TSPAN1: variants seen among roughly 807,000 people sequenced by gnomAD.
The protein encoded by TSPAN1 is tetraspanin-1.
TSPAN1 carries 23 observed loss-of-function variants against 26.9 expected under a neutral mutation model. The ratio of observed to expected loss-of-function variants is 0.85; its 90% CI spans 0.62 to 1.21. The LOEUF (loss-of-function observed/expected upper bound fraction) is 1.21. TSPAN1 is among the 50% of genes most tolerant of loss of function. The pLI is 0.00. For missense variants in TSPAN1, 283 were observed against 298.4 expected (o/e 0.95, Z 0.38); for synonymous variants, 115 against 114.8 (o/e 1.00, Z -0.01).
intron 1 of TSPAN1, among the ~76,000 whole-genome samples, chr1:46,179,085 G>A (rs1408135289): frequency 6.6e-6 from 1 of 151,918 alleles, no homozygotes; most frequent in African/African-American, 2.4e-5. Context: ...CCATCACTTT[G>A]GGAGGCTGAG....
At chr1:46,182,715 G>C (rs1432373384) in intron 3 of TSPAN1, among the ~76,000 whole-genome samples, 1 of 152,142 alleles carries the variant, frequency 6.6e-6, no homozygotes, top group African/African-American at 2.4e-5. Flanking sequence ...GTATTGATTA[G>C]TTTAGAAGCG....
At chr1:46,192,755 AG>A in the TSPAN1 span, 1 of 1,581,004 alleles carries the variant, frequency 6.3e-7, no homozygotes, top group South Asian at 1.1e-5. Context: ...CTTCAACAGC[AG>A]CCCCAACACC....
chr1:46,192,811 A>T, the TSPAN1 span: 1 of 1,596,008 alleles, frequency 6.3e-7, no homozygotes, highest in Non-Finnish European at 8.6e-7. Flanking sequence ...TTGTGAGCTC[A>T]TGTCCTCCAG....
At chr1:46,184,167 C>T (rs893903657) in intron 3 of TSPAN1, 24 bp from the exon 4 acceptor site, 18 of 1,613,460 alleles carry the variant, frequency 1.1e-5, no homozygotes, top group Middle Eastern at 1.7e-4. Context: ...CTGTTTAAGG[C>T]CTGCCTGACC....
chr1:46,181,093 C>T lies in TSPAN1; in HGVS notation c.-8-7C>T, dbSNP rs1405031181. The T allele has an allele frequency of 1.2e-6, 2 of 1,613,658 alleles. No individual in the cohort carries two copies. Among genetic ancestry groups the T allele is most frequent in the South Asian group, 1.1e-5 (1 of 91,008 alleles). On this transcript the variant is annotated splice_polypyrimidine_tract_variant and splice_region_variant and intron_variant, in intron 2 of 8. Coordinates refer to ENST00000372003, the MANE Select transcript of TSPAN1 (RefSeq NM_005727.4). ...AAGGCCCTAACTTGCACATGTCTAC[C>T]TCCCAGGAGCCACCATGCAGTGCTT...
At chr1:46,194,925 C>T in the TSPAN1 span, 1 of 1,614,148 alleles carries the variant, frequency 6.2e-7, no homozygotes, top group East Asian at 2.2e-5. Flanking sequence ...CTCAGCAGAG[C>T]CTTGGCTGTG....
the TSPAN1 span, chr1:46,191,613 T>C: frequency 2.5e-5 from 6 of 236,758 alleles, no homozygotes; most frequent in Middle Eastern, 1.6e-3. Flanking sequence ...CAAAATATCG[T>C]AACCCAGTGA....
chr1:46,180,763 T>G, intron 2 of TSPAN1, 105 bp downstream of exon 2: 1 of 315,228 alleles, frequency 3.2e-6, no homozygotes, highest in Non-Finnish European at 5.9e-6. Flanking sequence ...GGTCTGGGGT[T>G]AGTGTGGGGG....
downstream of TSPAN1, chr1:46,190,522 A>G (rs377108191): frequency 2.5e-6 from 4 of 1,603,200 alleles, no homozygotes; most frequent in Non-Finnish European, 3.4e-6. Context: ...TTCAGACTGA[A>G]GAGGAGGGAG....
downstream of TSPAN1, among the ~76,000 whole-genome samples, chr1:46,188,215 C>G (rs146743202): frequency 6.6e-6 from 1 of 152,146 alleles, no homozygotes; most frequent in African/African-American, 2.4e-5. Context: ...CATAGACACC[C>G]TTGCTCCTAC....
downstream of TSPAN1, among the ~76,000 whole-genome samples, chr1:46,188,205 C>T (rs143393426): frequency 6.5e-4 from 99 of 152,294 alleles, no homozygotes; most frequent in Non-Finnish European, 1.1e-3. Context: ...CTCTAAGGGC[C>T]ATAGACACCC....
the TSPAN1 span, chr1:46,192,223 G>A: frequency 1.9e-6 from 3 of 1,614,212 alleles, no homozygotes; most frequent in African/African-American, 2.7e-5. Flanking sequence ...CAATCCCAGA[G>A]CTGGCAGACA....
downstream of TSPAN1, chr1:46,189,409 T>A (rs151257405): frequency 3.6e-3 from 5,781 of 1,613,822 alleles, 16 homozygotes; most frequent in Non-Finnish European, 4.2e-3. Flanking sequence ...GCTATATCCC[T>A]GGATCTCACT....
At chr1:46,190,645 C>T, downstream of TSPAN1, 3 of 1,541,596 alleles carry the variant, frequency 1.9e-6, no homozygotes, top group South Asian at 1.1e-5. Flanking sequence ...ACAGGCCCAG[C>T]ATTGGAAGGG....
chr1:46,181,637 AT>A (rs148137270), intron 3 of TSPAN1, among the ~76,000 whole-genome samples: 5,544 of 152,234 alleles, frequency 0.036, 345 homozygotes, highest in African/African-American at 0.12. Context: ...ACAAACATTC[AT>A]TGTCTAGGAT....
At chr1:46,184,043 G>A (rs970688074) in intron 3 of TSPAN1, 148 bp from the exon 4 acceptor site, 2 of 792,602 alleles carry the variant, frequency 2.5e-6, no homozygotes, top group African/African-American at 1.7e-5. Context: ...TGGCTCTAGA[G>A]GATGTTTCCC....
chr1:46,180,769 G>C (rs764468247), intron 2 of TSPAN1, 111 bp downstream of exon 2: 1 of 337,088 alleles, frequency 3.0e-6, no homozygotes, highest in African/African-American at 2.1e-5. Flanking sequence ...GGGTTAGTGT[G>C]GGGGGGAGCA....
the TSPAN1 span, chr1:46,191,964 G>T: frequency 1.4e-6 from 2 of 1,387,388 alleles, no homozygotes; most frequent in Non-Finnish European, 2.0e-6. Context: ...TAAAGAAACT[G>T]AGGCAAAAAT....
In TSPAN1 at chr1:46,184,390, T is replaced by A; in HGVS notation, c.257T>A (p.Leu86His). The A allele has an allele frequency of 6.2e-7, 1 of 1,614,078 alleles. No homozygotes were observed. The highest frequency in any genetic ancestry group is 8.5e-7 in the Non-Finnish European group (1 of 1,179,986). ...YGAKTESKCA[L>H]VTFFFILLLI... Reference sequence around the variant, plus strand: ...GCTAAGACTGAGAGCAAGTGTGCCCTCGTGACGGTGTGTGAAACCCAGCTC... The same window carrying A: ...GCTAAGACTGAGAGCAAGTGTGCCCACGTGACGGTGTGTGAAACCCAGCTC... The change falls in exon 4 of 9, where the codon CTC becomes CAC. Residue 86 changes from leucine to histidine, a missense_variant. Leu to His is a moderately conservative substitution (Grantham distance 99). Coordinates refer to ENST00000372003, the MANE Select transcript of TSPAN1 (RefSeq NM_005727.4).
Sources: gnomAD v4.1 joint callset for allele counts (sites outside exome capture counted in the v4.1 genomes callset) on GRCh38, gnomAD v4.1.1 for gene constraint, MANE v1.5 for transcripts, NCBI Gene and HGNC (gene_info 2026-07-23, HGNC 2026-07-21) for gene names.